The following MYH16 variants were observed in gnomAD, a reference collection of about 807,000 sequenced individuals.
MYH16 encodes putative uncharacterized protein MYH16.
intron 33 of MYH16, among the ~76,000 whole-genome samples, chr7:99,294,500 C>CA (rs1159682450): frequency 0.15 from 3,712 of 25,318 alleles, 496 homozygotes; most frequent in African/African-American, 0.25. Flanking sequence ...GACCCTGTCT[C>CA]AAAAAAAAAA....
chr7:99,260,120 G>GT, intron 11 of MYH16: 1 of 1,519,426 alleles, frequency 6.6e-7, no homozygotes, highest in South Asian at 1.1e-5. Flanking sequence ...GAGGCTCTCT[G>GT]TGCCTGTGCT....
At chr7:99,257,765 A>G (rs141995211) in intron 10 of MYH16, among the ~76,000 whole-genome samples, 68 of 152,164 alleles carry the variant, frequency 4.5e-4, no homozygotes, top group East Asian at 3.7e-3. Flanking sequence ...TCCTGCCTCA[A>G]ACCTTCTCAG....
chr7:99,302,535 C>T (rs1343125157), intron 38 of MYH16, among the ~76,000 whole-genome samples: 2 of 151,806 alleles, frequency 1.3e-5, no homozygotes, highest in African/African-American at 4.8e-5. Context: ...CCACTGCATT[C>T]CAGCCTAGGC....
intron 31 of MYH16, 54 bp downstream of exon 12, chr7:99,291,504 A>C: frequency 2.3e-6 from 1 of 442,908 alleles, no homozygotes; most frequent in Non-Finnish European, 4.5e-6. Flanking sequence ...TTAAAGTTAT[A>C]GGTTACAGCT....
chr7:99,278,745 G>A (rs73407296), intron 21 of MYH16, among the ~76,000 whole-genome samples: 10,698 of 152,216 alleles, frequency 0.07, 721 homozygotes, highest in African/African-American at 0.18. Context: ...CTGTAGCCGT[G>A]AGCATGTGTG....
chr7:99,291,530 T>C (rs796599854), intron 31 of MYH16, 80 bp downstream of exon 12: 23 of 411,564 alleles, frequency 5.6e-5, no homozygotes, highest in African/African-American at 4.1e-4. Flanking sequence ...TGGTGGCTCA[T>C]GCCTGTAATC....
At chr7:99,291,472 C>T (rs1471134067) in intron 31 of MYH16, 22 bp downstream of exon 12, 1 of 455,734 alleles carries the variant, frequency 2.2e-6, no homozygotes, top group Admixed American at 2.4e-5. Flanking sequence ...CGTGGGGTTG[C>T]GGTGGAGACA....
At chr7:99,259,849 G>A (rs866415626) in intron 11 of MYH16, among the ~76,000 whole-genome samples, 2 of 145,040 alleles carry the variant, frequency 1.4e-5, no homozygotes, top group African/African-American at 5.1e-5. Context: ...GTATGTATGT[G>A]TATATATATA....
intron 2 of MYH16, among the ~76,000 whole-genome samples, chr7:99,244,830 G>A (rs756757117): frequency 4.6e-5 from 7 of 152,174 alleles, no homozygotes; most frequent in Non-Finnish European, 8.8e-5. Flanking sequence ...TCAAGCTCAG[G>A]ACCAGGGCTT....
chr7:99,287,971 C>T (rs1342392587), exon 29 of MYH16: 1 of 456,546 alleles, frequency 2.2e-6, no homozygotes, highest in African/African-American at 2.0e-5. Context: ...CAGAGCGAGG[C>T]GACGGCCTCC....
At chr7:99,285,130 G>A (rs1034494248) in intron 26 of MYH16, among the ~76,000 whole-genome samples, 195 bp downstream of exon 8, 1 of 152,120 alleles carries the variant, frequency 6.6e-6, no homozygotes, top group African/African-American at 2.4e-5. Flanking sequence ...ACTGCTCCCC[G>A]CCTGACCTCA....
intron 12 of MYH16, chr7:99,261,380 G>T (rs1791935564): frequency 1.3e-5 from 2 of 153,012 alleles, no homozygotes; most frequent in South Asian, 2.1e-4. Flanking sequence ...CACTGGCCCT[G>T]GGCTCAGTAC....
intron 19 of MYH16, among the ~76,000 whole-genome samples, chr7:99,272,267 G>C (rs1046496184): frequency 2.0e-5 from 3 of 152,154 alleles, no homozygotes; most frequent in Non-Finnish European, 4.4e-5. Flanking sequence ...GATGCTATGA[G>C]AGGGGCATGG....
intron 33 of MYH16, among the ~76,000 whole-genome samples, chr7:99,295,100 C>T (rs1353480177): frequency 1.3e-5 from 2 of 151,874 alleles, no homozygotes; most frequent in Admixed American, 6.6e-5. Flanking sequence ...ATAATACGGC[C>T]GGGCGCGGTG....
At chr7:99,256,437 C>A in intron 9 of MYH16, among the ~76,000 whole-genome samples, 1 of 151,810 alleles carries the variant, frequency 6.6e-6, no homozygotes, top group Non-Finnish European at 1.5e-5. Flanking sequence ...CCACCGCACT[C>A]TAGCCTGGGC....
intron 30 of MYH16, 111 bp from the exon 12 acceptor site, chr7:99,291,212 C>G: frequency 2.6e-6 from 1 of 386,232 alleles, no homozygotes; most frequent in South Asian, 1.9e-5. Context: ...GCTCCATTGG[C>G]CAAGCCACCA....
intron 39 of MYH16, 144 bp downstream of exon 20, chr7:99,303,334 T>A (rs1241547627): frequency 1.3e-5 from 2 of 152,310 alleles, no homozygotes; most frequent in Non-Finnish European, 2.9e-5. Context: ...AATGTGGCCC[T>A]GCTCTGGAGG....
chr7:99,304,694 G>C (rs886247773), exon 40 of MYH16: 4 of 153,158 alleles, frequency 2.6e-5, no homozygotes, highest in Non-Finnish European at 5.8e-5. Flanking sequence ...AGCCAAGATG[G>C]AGGAGGCCGA....
chr7:99,301,935 C>T (rs1189435264), intron 38 of MYH16, 131 bp downstream of exon 19: 1 of 152,436 alleles, frequency 6.6e-6, no homozygotes, highest in Non-Finnish European at 1.5e-5. Context: ...CAGTGCACCC[C>T]ACTCAGCAAA....
Sources: allele counts gnomAD v4.1 joint callset (sites outside exome capture counted in the v4.1 genomes callset), GRCh38; gene constraint gnomAD v4.1.1; transcripts MANE v1.5; gene names NCBI Gene and HGNC (gene_info 2026-07-23, HGNC 2026-07-21).